Variants in HLTF observed in about 807,000 individuals in gnomAD.
The protein encoded by HLTF is DNA-dependent ATPase/E3 ubiquitin-protein ligase HLTF.
A neutral mutation model predicts 129.4 loss-of-function variants in HLTF; 127 were observed. The ratio of observed to expected loss-of-function variants is 0.98; its 90% confidence interval spans 0.85 to 1.14. HLTF has a LOEUF of 1.14. Among genes scored for constraint, HLTF ranks in the 50% most tolerant of loss-of-function variants. HLTF has a pLI of 0.00. For missense variants in HLTF, 1,139 were observed against 1,187.1 expected (o/e 0.96, Z 0.60); for synonymous variants, 332 against 388.8 (o/e 0.85, Z 1.72).
chr3:149,078,254 T>C (rs1417687141), intron 2 of HLTF, among the ~76,000 whole-genome samples: 4 of 152,316 alleles, frequency 2.6e-5, no homozygotes, highest in Non-Finnish European at 5.9e-5. Context: ...ATTTTAAATA[T>C]GTTCAAAGGG....
chr3:149,049,963 G>A (rs2107988914), intron 15 of HLTF, among the ~76,000 whole-genome samples: 1 of 151,864 alleles, frequency 6.6e-6, no homozygotes, highest in South Asian at 2.1e-4. Context: ...TTATATTCCA[G>A]CCTGGGCAAC....
chr3:149,046,102 C>A lies in HLTF; in HGVS notation c.2050G>T (p.Glu684Ter). ...ERKIYQSVKN[E>*]GRATIGRYFN... ...TACCTTCCAATAGTGGCTCTGCCTT[C>A]ATTTTTCACAGACTGATAAATCTTT... The change falls in exon 18 of 25, where the codon GAA becomes TAA. Residue 684 changes from glutamate (E) to a stop codon, truncating the protein, a stop_gained. Coordinates refer to ENST00000310053, the MANE Select transcript of HLTF (RefSeq NM_003071.4). LOFTEE classifies it high-confidence loss of function. 1 of 1,608,822 alleles carries A rather than the reference C, an allele frequency of 6.2e-7. No homozygotes were observed. The highest frequency in any genetic ancestry group is 2.2e-5 in the East Asian group (1 of 44,576).
rs762131019 is a variant in HLTF at position 149,086,373 on chromosome 3, C to T, written c.-37G>A. On this transcript the variant is annotated 5_prime_UTR_variant, in exon 1 of 25. Transcript: ENST00000310053. ...GGATGACAAGAGGAGCGCCTCGGCT[C>T]CCCTGGATCGTTTTCGAGCCGCCTC... The T allele has an allele frequency of 5.1e-6, 8 of 1,569,596 alleles. No individual in the cohort carries two copies. The African/African-American group carries it at 8.1e-5, about 16-fold the overall frequency.
rs150812492 is a variant in HLTF, at chr3:149,030,427, A to C, written c.*1793T>G. On this transcript the variant is annotated 3_prime_UTR_variant, in exon 25 of 25. Transcript: ENST00000310053. ...AAACAACTTGCCAAACTTACTTATG[A>C]GTGTGTTTTAAAAACAACTTTGTAA... 6.6e-6 allele frequency: 1 copy of C among 151,978 alleles called. No homozygotes were observed. Among genetic ancestry groups the C allele is most frequent in the East Asian group, 1.9e-4 (1 of 5,174 alleles). 9.4% of individuals were successfully genotyped at this position (151,978 alleles called of 1,614,324 possible). A position where few individuals can be genotyped will look rare whatever the true frequency, so the allele number is the denominator to read the frequency against.
chr3:149,030,466 G>C lies in HLTF; in HGVS notation c.*1754C>G, dbSNP rs1714910593. On this transcript the variant is annotated 3_prime_UTR_variant, in exon 25 of 25. Coordinates refer to ENST00000310053, the MANE Select transcript of HLTF (RefSeq NM_003071.4). ...ACAACTTTGTAAATGTCTGGGCAAA[G>C]AAGCAAGCTGTCCTCCCTTTACCTT... The C allele has an allele frequency of 7.1e-6, 1 of 140,408 alleles. No individual in the cohort carries two copies. The highest frequency in any genetic ancestry group is 2.4e-5 in the African/African-American group (1 of 41,150). The allele number at this position is 140,408 out of a possible 1,614,324, so 8.7% of individuals were successfully genotyped here.
At chr3:149,046,951 C>T (rs1245985765) in intron 17 of HLTF, among the ~76,000 whole-genome samples, 2 of 152,152 alleles carry the variant, frequency 1.3e-5, no homozygotes, top group Non-Finnish European at 1.5e-5. Flanking sequence ...AGGTTAGTGG[C>T]TCTTGAAGCT....
At position 149,086,338 on chromosome 3, in the gene HLTF, G is replaced by A. The variant is rs372798587; in HGVS notation, c.-2C>T. 2.5e-6 allele frequency: 4 copies of A among 1,595,900 alleles called. No homozygotes were observed. The highest frequency in any genetic ancestry group is 1.7e-5 in the Admixed American group (1 of 57,658). Reference sequence around the variant, plus strand: ...TCACCTCTTGAACATCCAGGACATGGCGCTGAGTGGGATGACAAGAGGAGC... The same window carrying A: ...TCACCTCTTGAACATCCAGGACATGACGCTGAGTGGGATGACAAGAGGAGC... On this transcript the variant is annotated 5_prime_UTR_variant, in exon 1 of 25. Coordinates refer to ENST00000310053, the MANE Select transcript of HLTF (RefSeq NM_003071.4).
At chr3:149,074,103 AC>A in intron 4 of HLTF, 111 bp downstream of exon 4, 1 of 1,047,676 alleles carries the variant, frequency 9.5e-7, no homozygotes, top group Non-Finnish European at 1.3e-6. Context: ...AAAAAGTTGT[AC>A]CTTGGAGCCT....
At chr3:149,065,857 A>T (rs1322580577) in intron 8 of HLTF, among the ~76,000 whole-genome samples, 5 of 152,188 alleles carry the variant, frequency 3.3e-5, no homozygotes, top group Non-Finnish European at 7.3e-5. Context: ...ATATTTTTAG[A>T]GATACGTAAC....
Position 149,068,230 on chromosome 3 carries a change from A to T in HLTF, c.990+10T>A. The T allele has an allele frequency of 8.1e-7, 1 of 1,239,378 alleles. No individual in the cohort carries two copies. The highest frequency in any genetic ancestry group is 1.2e-6 in the Non-Finnish European group (1 of 864,404). 76.8% of individuals were successfully genotyped at this position (1,239,378 alleles called of 1,614,324 possible). ...AGGTTTCACATAAAGCGCACTTACT[A>T]CTACTTTACCTTCTTCAGTAGATTC... On this transcript the variant is annotated intron_variant, in intron 8 of 24. Coordinates refer to ENST00000310053, the MANE Select transcript of HLTF (RefSeq NM_003071.4).
intron 1 of HLTF, 128 bp from the exon 2 acceptor site, chr3:149,085,017 A>G (rs531738278): frequency 3.2e-5 from 22 of 686,302 alleles, no homozygotes; most frequent in Non-Finnish European, 5.1e-5. Context: ...AAAGATTAAT[A>G]GTTACTCTCG....
chr3:149,042,985 G>T (rs1716251667), intron 18 of HLTF, among the ~76,000 whole-genome samples: 1 of 151,770 alleles, frequency 6.6e-6, no homozygotes, highest in Non-Finnish European at 1.5e-5. Context: ...AAAGGTAGGG[G>T]ACACATGGCA....
rs1714941742 is a variant in HLTF, at chr3:149,030,703, C to G, written c.*1517G>C. The stretch of plus-strand genomic sequence containing the variant: ...AGCGGGCTAATCCCACATTATTATT[C>G]CACTATCATCCCTGCAGAAAGGTCT... On this transcript the variant is annotated 3_prime_UTR_variant, in exon 25 of 25. Coordinates refer to ENST00000310053, the MANE Select transcript of HLTF (RefSeq NM_003071.4). 6.6e-6 allele frequency: 1 copy of G among 152,198 alleles called. No homozygotes were observed. The highest frequency in any genetic ancestry group is 6.5e-5 in the Admixed American group (1 of 15,280). The allele number at this position is 152,198 out of a possible 1,614,324, so 9.4% of individuals were successfully genotyped here.
intron 14 of HLTF, 151 bp downstream of exon 14, chr3:149,055,152 A>G (rs1230453643): frequency 9.3e-6 from 5 of 539,954 alleles, no homozygotes; most frequent in East Asian, 3.1e-5. Context: ...TTCAGCAAAC[A>G]TAATCCAATT....
At chr3:149,063,292 C>A in intron 10 of HLTF, 139 bp downstream of exon 10, 1 of 574,696 alleles carries the variant, frequency 1.7e-6, no homozygotes, top group Non-Finnish European at 3.2e-6. Flanking sequence ...AATCTCCTGA[C>A]CTCATGATCC....
rs561331180 is a variant in HLTF at position 149,049,953 on chromosome 3, T to C, written c.1617+279A>G. ...GTTGCAGTGAGCTGAGATCACACCA[T>C]TATATTCCAGCCTGGGCAACAAGAG... On this transcript the variant is annotated intron_variant, in intron 15 of 24. Transcript: ENST00000310053. 5.5e-4 allele frequency among the ~76,000 whole-genome samples: 84 copies of C among 152,030 alleles called. 2 individuals are homozygous for C. The South Asian group carries it at 0.017, about 30-fold the overall frequency.
At chr3:149,071,137 G>A (rs1046632799) in intron 7 of HLTF, 115 bp downstream of exon 7, 2 of 601,230 alleles carry the variant, frequency 3.3e-6, no homozygotes, top group Admixed American at 3.2e-5. Context: ...AAGATAGTAA[G>A]ATCTAGTCCC....
chr3:149,039,015 C>A, intron 23 of HLTF, 34 bp downstream of exon 23: 1 of 1,320,906 alleles, frequency 7.6e-7, no homozygotes, highest in Non-Finnish European at 1.0e-6. Flanking sequence ...GAAAGAAGTA[C>A]TAAGATTCTG....
intron 9 of HLTF, among the ~76,000 whole-genome samples, chr3:149,063,959 G>A (rs918994369): frequency 6.6e-6 from 1 of 152,090 alleles, no homozygotes; most frequent in African/African-American, 2.4e-5. Context: ...ATACCAGAAT[G>A]ATCCATACTA....
Sources: allele counts gnomAD v4.1 joint callset (sites outside exome capture counted in the v4.1 genomes callset), GRCh38; gene constraint gnomAD v4.1.1; transcripts MANE v1.5; gene names NCBI Gene and HGNC (gene_info 2026-07-23, HGNC 2026-07-21).